The following EPHA7 variants were observed in gnomAD, a reference collection of about 807,000 sequenced individuals.
The protein encoded by EPHA7 is EPH receptor A7.
EPHA7 carries 25 observed loss-of-function variants against 112.6 expected under a neutral mutation model. The observed-to-expected ratio is 0.22, with a 90% CI of 0.16 to 0.31. The LOEUF is 0.31. Among genes scored for constraint, EPHA7 ranks in the 10% least tolerant of loss-of-function variants. The probability of loss-of-function intolerance (pLI) is 1.00; values close to 1 mark genes in which losing one functional copy is unlikely to be tolerated. For missense variants in EPHA7, 962 were observed against 1,212.6 expected (o/e 0.79, Z 3.07); for synonymous variants, 437 against 406.5 (o/e 1.07, Z -0.90).
intron 5 of EPHA7, among the ~76,000 whole-genome samples, chr6:93,345,292 G>A (rs1412856061): frequency 4.0e-5 from 6 of 151,636 alleles, no homozygotes; most frequent in Admixed American, 2.0e-4. Context: ...AGTTAATGAC[G>A]AAATATTAAA....
chr6:93,394,610 T>G lies in EPHA7; in HGVS notation c.832+15891A>C, dbSNP rs1212265329. ...AGAATATCTTACTGATGAGATGCTG[T>G]CTTTTTAAGTTTGGTAGAACAAAAA... On this transcript the variant is annotated intron_variant, in intron 3 of 16. Coordinates refer to ENST00000369303, the MANE Select transcript of EPHA7 (RefSeq NM_004440.4). 2.0e-5 allele frequency among the ~76,000 whole-genome samples: 3 copies of G among 151,858 alleles called. No homozygotes were observed. In the Admixed American group the frequency reaches 2.0e-4, roughly 10 times the overall value.
intron 5 of EPHA7, among the ~76,000 whole-genome samples, chr6:93,351,078 C>T (rs182823936): frequency 6.6e-6 from 1 of 152,152 alleles, no homozygotes; most frequent in African/African-American, 2.4e-5. Flanking sequence ...AAATTATTTG[C>T]CCAGCTGCCG....
At chr6:93,418,941 G>A (rs796868100) in intron 1 of EPHA7, among the ~76,000 whole-genome samples, 1 of 152,170 alleles carries the variant, frequency 6.6e-6, no homozygotes, top group Non-Finnish European at 1.5e-5. Context: ...TAAGCTCGCC[G>A]GCAGTTCCTC....
At chr6:93,356,206 T>A (rs1468640633) in intron 5 of EPHA7, among the ~76,000 whole-genome samples, 1 of 146,458 alleles carries the variant, frequency 6.8e-6, no homozygotes, top group Non-Finnish European at 1.5e-5. Context: ...CAATTTTATC[T>A]CCTGTTTTTT....
chr6:93,358,646 G>T (rs164545), intron 3 of EPHA7, among the ~76,000 whole-genome samples: 3 of 152,004 alleles, frequency 2.0e-5, no homozygotes, highest in East Asian at 3.9e-4. Flanking sequence ...GTTGGCACCA[G>T]GCCAAAGTCT....
intron 3 of EPHA7, among the ~76,000 whole-genome samples, chr6:93,380,199 AAT>A (rs1777265797): frequency 6.6e-6 from 1 of 152,082 alleles, no homozygotes; most frequent in East Asian, 1.9e-4. Context: ...AAACACATCA[AAT>A]CTAATAATAT....
chr6:93,318,925 T>C (rs778297749), intron 5 of EPHA7, among the ~76,000 whole-genome samples: 10 of 152,126 alleles, frequency 6.6e-5, no homozygotes, highest in Non-Finnish European at 1.3e-4. Context: ...GAACCATTGT[T>C]GTCACTTAAA....
intron 3 of EPHA7, among the ~76,000 whole-genome samples, chr6:93,395,185 G>A (rs1005986134): frequency 6.6e-6 from 1 of 151,726 alleles, no homozygotes; most frequent in African/African-American, 2.4e-5. Context: ...AAAAAGAAAA[G>A]ATTTTAGACA....
chr6:93,322,861 C>G (rs1357650780), intron 5 of EPHA7, among the ~76,000 whole-genome samples: 1 of 151,558 alleles, frequency 6.6e-6, no homozygotes, highest in Non-Finnish European at 1.5e-5. Context: ...TACTGTCCCC[C>G]ATCTGTGCTT....
At chr6:93,327,132 A>G (rs2127894951) in intron 5 of EPHA7, among the ~76,000 whole-genome samples, 1 of 151,744 alleles carries the variant, frequency 6.6e-6, no homozygotes, top group Admixed American at 6.6e-5. Flanking sequence ...GACACATGAG[A>G]TGTTCTGATG....
chr6:93,293,611 T>G (rs1054677567), intron 5 of EPHA7, among the ~76,000 whole-genome samples: 1 of 152,078 alleles, frequency 6.6e-6, no homozygotes, highest in East Asian at 1.9e-4. Context: ...TCATGTTGAG[T>G]TGTGTAACAA....
At chr6:93,260,827 A>G in intron 9 of EPHA7, 1 of 784,532 alleles carries the variant, frequency 1.3e-6, no homozygotes, top group Non-Finnish European at 1.5e-6. Context: ...GAGAGGGGAT[A>G]GAAGGAGAAA....
intron 1 of EPHA7, among the ~76,000 whole-genome samples, chr6:93,418,065 C>G (rs1255740092): frequency 2.6e-5 from 4 of 151,944 alleles, no homozygotes; most frequent in African/African-American, 9.7e-5. Flanking sequence ...ATAACAGATT[C>G]CTCTCCCTCT....
At chr6:93,250,985 A>T (rs1770182545) in intron 14 of EPHA7, among the ~76,000 whole-genome samples, 1 of 152,110 alleles carries the variant, frequency 6.6e-6, no homozygotes, top group East Asian at 1.9e-4. Flanking sequence ...GACCATTGTA[A>T]TTAAGAGAAA....
chr6:93,273,301 T>C (rs891511985), intron 5 of EPHA7, among the ~76,000 whole-genome samples: 2 of 151,948 alleles, frequency 1.3e-5, no homozygotes, highest in African/African-American at 4.8e-5. Context: ...CTGGCTTGGC[T>C]GAATTTCAGT....
intron 3 of EPHA7, among the ~76,000 whole-genome samples, chr6:93,394,292 C>CTTT: frequency 6.6e-6 from 1 of 151,410 alleles, no homozygotes; most frequent in Non-Finnish European, 1.5e-5. Flanking sequence ...AAATACGCAC[C>CTTT]TTTTATATAT....
intron 3 of EPHA7, among the ~76,000 whole-genome samples, chr6:93,368,384 A>G (rs1337025894): frequency 1.3e-5 from 2 of 152,102 alleles, no homozygotes; most frequent in South Asian, 2.1e-4. Context: ...GGAAGTGTGC[A>G]GGGACACATT....
At chr6:93,372,437 G>T (rs936794194) in intron 3 of EPHA7, among the ~76,000 whole-genome samples, 1 of 152,078 alleles carries the variant, frequency 6.6e-6, no homozygotes, top group South Asian at 2.1e-4. Flanking sequence ...TAAGAGGCTA[G>T]AAAGTGAATC....
chr6:93,246,851 A>T lies in EPHA7; in HGVS notation c.2667T>A (p.Ile889=), dbSNP rs2127846973. Reference sequence around the variant, plus strand: ...TTGGGTTTCGAATCATTTTGTCTAGAATTCCAACTATCTGTTCAAATTTTG... The same window carrying T: ...TTGGGTTTCGAATCATTTTGTCTAGTATTCCAACTATCTGTTCAAATTTTG... ...ERPKFEQIVG[I]LDKMIRNPNS... is the part of the protein sequence containing the mutation. Residue 889 remains isoleucine, a synonymous_variant, in exon 15 of 17, where the codon ATT becomes ATA. Coordinates refer to ENST00000369303, the MANE Select transcript of EPHA7 (RefSeq NM_004440.4). 1.2e-6 allele frequency: 2 copies of T among 1,613,862 alleles called. No homozygotes were observed.
Sources: gnomAD v4.1 joint callset for allele counts (sites outside exome capture counted in the v4.1 genomes callset) on GRCh38, gnomAD v4.1.1 for gene constraint, MANE v1.5 for transcripts, NCBI Gene and HGNC (gene_info 2026-07-23, HGNC 2026-07-21) for gene names.